TUSC3: variants seen among roughly 807,000 people sequenced by gnomAD.
TUSC3 encodes the protein dolichyl-diphosphooligosaccharide--protein glycosyltransferase subunit TUSC3.
TUSC3 carries 45 observed loss-of-function variants against 44.8 expected under a neutral mutation model. That is an observed-to-expected ratio of 1.00 (90% confidence interval 0.79 to 1.29). TUSC3 has a LOEUF of 1.29. TUSC3 is among the 50% of genes most tolerant of loss of function. The pLI, the probability that TUSC3 is intolerant of heterozygous loss-of-function variation, is 0.00. For synonymous variants in TUSC3, 212 were observed against 152.9 expected (o/e 1.39, Z -2.85); for missense variants, 519 against 437.9 (o/e 1.19, Z -1.65).
chr8:15,615,877 T>C (rs1804966557), intron 1 of TUSC3, among the ~76,000 whole-genome samples: 1 of 152,134 alleles, frequency 6.6e-6, no homozygotes, highest in Admixed American at 6.5e-5. Flanking sequence ...TATAAACATG[T>C]AGTTAGATAG....
At chr8:15,539,063 GGCT>G (rs1801583199), upstream of TUSC3, among the ~76,000 whole-genome samples, 1 of 151,294 alleles carries the variant, frequency 6.6e-6, no homozygotes, top group African/African-American at 2.4e-5. Flanking sequence ...ATCTTGCCCA[GGCT>G]GCTCTCCAAC....
At chr8:15,528,968 G>T (rs112028041) in intron 2 of TUSC3, among the ~76,000 whole-genome samples, 1 of 152,000 alleles carries the variant, frequency 6.6e-6, no homozygotes. Context: ...CTTTGTCACC[G>T]CAGTTAATAA....
Position 15,587,667 on chromosome 8 carries a change from T to C in TUSC3, c.139-35413T>C, listed in dbSNP as rs936997811. 3.9e-5 allele frequency among the ~76,000 whole-genome samples: 6 copies of C among 152,240 alleles called. No individual in the cohort carries two copies. In the East Asian group the frequency reaches 1.2e-3, roughly 29 times the overall value. On this transcript the variant is annotated intron_variant, in intron 1 of 10. Transcript: ENST00000503731. ...CAGTGCTATAGAACACTAGAACTTA[T>C]TCCTCCTATCTGGCTGTAATTTTGT... is the stretch of plus-strand genomic sequence containing the variant.
chr8:15,771,198 G>A (rs1812434386), downstream of TUSC3, among the ~76,000 whole-genome samples: 1 of 152,142 alleles, frequency 6.6e-6, no homozygotes. Flanking sequence ...CCAGAAAAAA[G>A]AGTCTGTTCT....
At chr8:15,775,645 T>TATACAC in the TUSC3 span, among the ~76,000 whole-genome samples, 80 of 134,502 alleles carry the variant, frequency 5.9e-4, no homozygotes, top group Non-Finnish European at 9.2e-4. Flanking sequence ...TATATATATA[T>TATACAC]ATATACACAC....
At chr8:15,473,520 C>G (rs907905875) in intron 1 of TUSC3, among the ~76,000 whole-genome samples, 5 of 152,174 alleles carry the variant, frequency 3.3e-5, no homozygotes, top group Non-Finnish European at 5.9e-5. Flanking sequence ...AACCCACCCC[C>G]ACTATTTCAA....
the TUSC3 span, among the ~76,000 whole-genome samples, chr8:15,842,170 C>G: frequency 6.6e-6 from 1 of 152,040 alleles, no homozygotes. Context: ...CATCAATGAA[C>G]AAAACAGATA....
chr8:15,570,479 A>G (rs1585111964), intron 1 of TUSC3, among the ~76,000 whole-genome samples: 1 of 152,138 alleles, frequency 6.6e-6, no homozygotes, highest in Non-Finnish European at 1.5e-5. Flanking sequence ...TGTGAATCAA[A>G]AGAGCTTGGA....
chr8:15,446,579 G>GA (rs1048036170), intron 1 of TUSC3, among the ~76,000 whole-genome samples: 3 of 151,872 alleles, frequency 2.0e-5, no homozygotes, highest in Non-Finnish European at 2.9e-5. Flanking sequence ...ATACAAAAAC[G>GA]AGTCAGGCGT....
At chr8:15,470,811 G>C (rs940621026) in intron 1 of TUSC3, among the ~76,000 whole-genome samples, 9 of 152,090 alleles carry the variant, frequency 5.9e-5, no homozygotes, top group Non-Finnish European at 1.3e-4. Flanking sequence ...TCAGGAAATT[G>C]CTGTGTCTAC....
chr8:15,807,094 C>G, the TUSC3 span: 1 of 1,336,500 alleles, frequency 7.5e-7, no homozygotes, highest in Non-Finnish European at 1.1e-6. Flanking sequence ...ACCTGAGAAC[C>G]AGGATGCCCG....
At chr8:15,795,779 G>T in the TUSC3 span, among the ~76,000 whole-genome samples, 1 of 152,208 alleles carries the variant, frequency 6.6e-6, no homozygotes, top group African/African-American at 2.4e-5. Context: ...CGGCTGGTAA[G>T]CCCTGGCATT....
At chr8:15,636,903 A>G (rs73195116) in intron 2 of TUSC3, among the ~76,000 whole-genome samples, 27,544 of 152,104 alleles carry the variant, frequency 0.18, 2,499 homozygotes, top group South Asian at 0.26. Flanking sequence ...GTCCCAAGAA[A>G]TTTTATTTGG....
the TUSC3 span, among the ~76,000 whole-genome samples, chr8:15,798,342 C>T: frequency 6.6e-6 from 1 of 152,158 alleles, no homozygotes; most frequent in Non-Finnish European, 1.5e-5. Flanking sequence ...TCCCTAAGTG[C>T]CCATATCCAA....
intron 1 of TUSC3, among the ~76,000 whole-genome samples, chr8:15,605,432 C>T (rs900448659): frequency 6.6e-6 from 1 of 151,422 alleles, no homozygotes; most frequent in African/African-American, 2.4e-5. Flanking sequence ...TTATCTTCTC[C>T]TGTAGAAGGA....
intron 1 of TUSC3, among the ~76,000 whole-genome samples, chr8:15,417,972 TC>T (rs1327576826): frequency 1.3e-5 from 2 of 152,160 alleles, no homozygotes; most frequent in African/African-American, 2.4e-5. Context: ...TTATTAAAAC[TC>T]TACATGCCTG....
chr8:15,665,541 G>C lies in TUSC3; in HGVS notation c.708+3245G>C, dbSNP rs537407976. On this transcript the variant is annotated intron_variant, in intron 5 of 10. Transcript: ENST00000503731. ...AGGTAGGGTAAGAGAAGTGTATGCT[G>C]AGGGAGTGGAAGTTATATGTTTTAG... is the stretch of plus-strand genomic sequence containing the variant. 2.0e-5 allele frequency among the ~76,000 whole-genome samples: 3 copies of C among 151,114 alleles called. No homozygotes were observed. The South Asian group carries it at 6.2e-4, about 31-fold the overall frequency.
chr8:15,443,774 T>A (rs926586267), intron 1 of TUSC3, among the ~76,000 whole-genome samples: 2 of 152,112 alleles, frequency 1.3e-5, no homozygotes, highest in African/African-American at 2.4e-5. Flanking sequence ...ATTCTCACCC[T>A]CCCTAAGCTG....
At chr8:15,792,290 A>G in the TUSC3 span, among the ~76,000 whole-genome samples, 2 of 152,236 alleles carry the variant, frequency 1.3e-5, no homozygotes, top group Non-Finnish European at 2.9e-5. Flanking sequence ...AGGTAACATC[A>G]AAGACAACTA....
Sources: allele counts gnomAD v4.1 joint callset (sites outside exome capture counted in the v4.1 genomes callset), GRCh38; gene constraint gnomAD v4.1.1; transcripts MANE v1.5; gene names NCBI Gene and HGNC (gene_info 2026-07-23, HGNC 2026-07-21).